GALNT15: variants seen among roughly 807,000 people sequenced by gnomAD.
The protein encoded by GALNT15 is polypeptide N-acetylgalactosaminyltransferase 15, also known as UDP-GalNAc transferase T15.
In GALNT15, 67 loss-of-function variants were observed where a neutral mutation model predicts 66.8. That is an observed-to-expected ratio of 1.00 (90% CI 0.82 to 1.23). GALNT15 has a LOEUF of 1.23. GALNT15 is among the 50% of genes most tolerant of loss of function. The pLI is 0.00. For synonymous variants in GALNT15, 313 were observed against 311.5 expected (o/e 1.00, Z -0.05); for missense variants, 827 against 804.3 (o/e 1.03, Z -0.34).
the GALNT15 span, among the ~76,000 whole-genome samples, chr3:16,240,483 G>C: frequency 1.3e-5 from 2 of 152,176 alleles, no homozygotes; most frequent in Non-Finnish European, 1.5e-5. Flanking sequence ...GGAAGGCAGA[G>C]ATATTTCAAA....
Position 16,174,785 on chromosome 3 carries a change from T to C in GALNT15, c.-367T>C, listed in dbSNP as rs2063387064. 1 of 242,564 alleles carries C rather than the reference T, an allele frequency of 4.1e-6. No individual in the cohort carries two copies. Among genetic ancestry groups the C allele is most frequent in the South Asian group, 7.2e-5 (1 of 13,986 alleles). 15.0% of individuals were successfully genotyped at this position (242,564 alleles called of 1,614,324 possible). On this transcript the variant is annotated 5_prime_UTR_variant, in exon 1 of 10. Coordinates refer to ENST00000339732, the MANE Select transcript of GALNT15 (RefSeq NM_054110.5). The surrounding 1 kb of genome is among the most constrained non-coding windows in gnomAD (Gnocchi z 4.7). ...ATCCCAGACACCTCATAGCAACCTA[T>C]TTATACAAAGGGGGAAAGAAACACC...
intron 9 of GALNT15, among the ~76,000 whole-genome samples, chr3:16,223,374 A>G (rs976327651): frequency 1.3e-5 from 2 of 152,174 alleles, no homozygotes; most frequent in African/African-American, 2.4e-5. Context: ...TCGGAAGATG[A>G]CAGTATCAAC....
chr3:16,212,756 T>C lies in GALNT15; in HGVS notation c.1385T>C (p.Leu462Ser). ...AAGCATAGCCCAGAGGCCTTCTCCTTGAGCAAGGTAAGGAGAGAGCCAAGT... is the reference window on the plus strand; with the variant it reads ...AAGCATAGCCCAGAGGCCTTCTCCTCGAGCAAGGTAAGGAGAGAGCCAAGT... ...FYKHSPEAFS[L>S]SKAEKPDCME... Residue 462 changes from leucine (L) to serine (S), a missense_variant, in exon 6 of 10, where the codon TTG becomes TCG. Physicochemically the swap from Leu to Ser is moderately radical, Grantham distance 145 (BLOSUM62 -2). Transcript: ENST00000339732. 6.2e-7 allele frequency: 1 copy of C among 1,612,968 alleles called. No homozygotes were observed.
chr3:16,230,476 A>G (rs1437875582), downstream of GALNT15, among the ~76,000 whole-genome samples: 1 of 152,160 alleles, frequency 6.6e-6, no homozygotes, highest in Non-Finnish European at 1.5e-5. This position sits in a 1 kb window ranked among gnomAD's most constrained non-coding sequence, Gnocchi z 4.5. Flanking sequence ...TCTATTCTCT[A>G]CTGAAAGGCT....
Position 16,227,710 on chromosome 3 carries a change from G to T in GALNT15, c.*210G>T, listed in dbSNP as rs1275980273. The T allele has an allele frequency of 1.5e-6, 2 of 1,297,880 alleles. No homozygotes were observed. The highest frequency in any genetic ancestry group is 2.0e-6 in the Non-Finnish European group (2 of 1,014,418). 80.4% of individuals were successfully genotyped at this position (1,297,880 alleles called of 1,614,324 possible). On this transcript the variant is annotated 3_prime_UTR_variant, in exon 10 of 10. Transcript: ENST00000339732. The surrounding 1 kb of genome is among the most constrained non-coding windows in gnomAD (Gnocchi z 4.5). ...TGGCTGCTTTAAAAAAAAAAAAAAAGGATCCATTGTACCGTTGTCTTCATC... is the reference window on the plus strand; with the variant it reads ...TGGCTGCTTTAAAAAAAAAAAAAAATGATCCATTGTACCGTTGTCTTCATC...
At chr3:16,217,668 T>G (rs1244036137) in intron 6 of GALNT15, among the ~76,000 whole-genome samples, 1 of 152,158 alleles carries the variant, frequency 6.6e-6, no homozygotes, top group Admixed American at 6.5e-5. Context: ...CTCTCAGACA[T>G]AATTGTACAG....
chr3:16,237,669 C>T, the GALNT15 span, among the ~76,000 whole-genome samples: 3 of 152,186 alleles, frequency 2.0e-5, no homozygotes, highest in Non-Finnish European at 4.4e-5. This position sits in a 1 kb window ranked among gnomAD's most constrained non-coding sequence, Gnocchi z 4.2. Context: ...CCCACCACTC[C>T]CCAGTGTGGG....
chr3:16,222,870 C>T (rs1453352333), intron 9 of GALNT15, 112 bp downstream of exon 9: 5 of 1,265,322 alleles, frequency 4.0e-6, no homozygotes, highest in Non-Finnish European at 5.5e-6. Flanking sequence ...ACCTCTGCCT[C>T]TGCTTTTGAA....
chr3:16,247,385 G>C, the GALNT15 span, among the ~76,000 whole-genome samples: 2 of 152,180 alleles, frequency 1.3e-5, no homozygotes, highest in Admixed American at 1.3e-4. Context: ...GCTTGCCCAA[G>C]GTCACAAAAC....
chr3:16,247,098 G>GTGTA, the GALNT15 span, among the ~76,000 whole-genome samples: 1 of 22,950 alleles, frequency 4.4e-5, no homozygotes, highest in African/African-American at 3.6e-4. Context: ...AAAGACTGTA[G>GTGTA]TGTGTGTGTG....
intron 1 of GALNT15, among the ~76,000 whole-genome samples, chr3:16,190,289 A>G (rs879589275): frequency 7.9e-5 from 12 of 152,122 alleles, no homozygotes; most frequent in Non-Finnish European, 1.5e-4. Context: ...GTTGTCTGGG[A>G]GCTAAACAGT....
intron 1 of GALNT15, among the ~76,000 whole-genome samples, chr3:16,190,761 A>G (rs2063568223): frequency 1.3e-5 from 2 of 152,000 alleles, no homozygotes; most frequent in South Asian, 4.1e-4. Context: ...ACTCCAAGCC[A>G]TGTTGTGGGT....
At chr3:16,207,093 T>C (rs2063764967) in intron 3 of GALNT15, among the ~76,000 whole-genome samples, 1 of 152,196 alleles carries the variant, frequency 6.6e-6, no homozygotes, top group African/African-American at 2.4e-5. Context: ...TTAAGATCCT[T>C]GCTCTAAATA....
chr3:16,200,659 G>A lies in GALNT15; in HGVS notation c.747G>A (p.Leu249=). The A allele has an allele frequency of 2.5e-6, 4 of 1,598,658 alleles. No homozygotes were observed. The highest frequency in any genetic ancestry group is 3.4e-6 in the Non-Finnish European group (4 of 1,172,212). The change falls in exon 3 of 10, where the codon CTG becomes CTA. Residue 249 remains leucine (L), a synonymous_variant. Coordinates refer to ENST00000339732, the MANE Select transcript of GALNT15 (RefSeq NM_054110.5). The surrounding 1 kb of genome is among the most constrained non-coding windows in gnomAD (Gnocchi z 4.4). ...CTCTCAGCGAATATGTGGCCAGGCT[G>A]GAGGGGGTGAAGTTACTCAGGAGCA... ...KSALSEYVAR[L]EGVKLLRSNK...
rs199950493 is a variant in GALNT15, at chr3:16,219,374, C to A, written c.1393-29C>A. ...AATTCTGGGCAAGACAAGCTTTCATCATCCTGCTTGTGTCTTTCTCCTCCC... is the reference window on the plus strand; with the variant it reads ...AATTCTGGGCAAGACAAGCTTTCATAATCCTGCTTGTGTCTTTCTCCTCCC... On this transcript the variant is annotated intron_variant, in intron 6 of 9. Transcript: ENST00000339732. This position sits in a 1 kb window ranked among gnomAD's most constrained non-coding sequence, Gnocchi z 4.3. 2 of 1,611,236 alleles carry A rather than the reference C, an allele frequency of 1.2e-6. No homozygotes were observed. The highest frequency in any genetic ancestry group is 1.7e-6 in the Non-Finnish European group (2 of 1,178,646).
chr3:16,197,858 T>A (rs2124865464), intron 2 of GALNT15, among the ~76,000 whole-genome samples: 1 of 152,320 alleles, frequency 6.6e-6, no homozygotes, highest in East Asian at 1.9e-4. Context: ...TGGGTGCTCT[T>A]ACCCACTTCA....
intron 2 of GALNT15, among the ~76,000 whole-genome samples, chr3:16,198,983 A>G (rs1353143582): frequency 7.0e-6 from 1 of 142,376 alleles, no homozygotes; most frequent in African/African-American, 2.6e-5. Context: ...GTTCTGTTCA[A>G]TGCACATGTA....
chr3:16,222,834 C>T lies in GALNT15; in HGVS notation c.1773+76C>T, dbSNP rs545813823. 2.4e-4 allele frequency: 376 copies of T among 1,537,482 alleles called. 2 individuals carry two copies. In the African/African-American group the frequency reaches 4.3e-3, roughly 18 times the overall value. On this transcript the variant is annotated intron_variant, in intron 9 of 9. Coordinates refer to ENST00000339732, the MANE Select transcript of GALNT15 (RefSeq NM_054110.5). Reference sequence around the variant, plus strand: ...CTGCTGGTTGGCATTGGATCCTGGGCTCTTCCAAGAGGTCAGGTATTAGGG... The same window carrying T: ...CTGCTGGTTGGCATTGGATCCTGGGTTCTTCCAAGAGGTCAGGTATTAGGG...
chr3:16,243,350 G>A, the GALNT15 span, among the ~76,000 whole-genome samples: 2 of 152,218 alleles, frequency 1.3e-5, no homozygotes, highest in African/African-American at 4.8e-5. Context: ...TCTGCAATAA[G>A]AGCCAACCAA....
Sources: allele counts gnomAD v4.1 joint callset (sites outside exome capture counted in the v4.1 genomes callset), GRCh38; gene constraint gnomAD v4.1.1; non-coding constraint Gnocchi (gnomAD v3.1); transcripts MANE v1.5; gene names NCBI Gene and HGNC (gene_info 2026-07-23, HGNC 2026-07-21).